BCAS4: variants seen among roughly 807,000 people sequenced by gnomAD.
The protein encoded by BCAS4 is breast carcinoma amplified sequence 4, also known as breast carcinoma-amplified sequence 4.
A neutral mutation model predicts 15.7 loss-of-function variants in BCAS4; 9 were observed. The ratio of observed to expected loss-of-function variants is 0.57; its 90% CI spans 0.34 to 1.00. The LOEUF (loss-of-function observed/expected upper bound fraction) is 1.00. Among genes scored for constraint, BCAS4 ranks in the 50% least tolerant of loss-of-function variants. The pLI is 0.02. For synonymous variants in BCAS4, 101 were observed against 99.5 expected, an observed-to-expected ratio of 1.02 and a Z score of -0.09; for missense variants, 225 against 239.1, an observed-to-expected ratio of 0.94 and a Z score of 0.39.
chr20:50,832,547 C>T (rs2088356995), intron 3 of BCAS4, among the ~76,000 whole-genome samples: 1 of 152,162 alleles, frequency 6.6e-6, no homozygotes, highest in Non-Finnish European at 1.5e-5. Context: ...CATGAGCCAC[C>T]ACACTCATCC....
At chr20:50,802,139 G>T (rs1569015748) in intron 1 of BCAS4, among the ~76,000 whole-genome samples, 1 of 152,146 alleles carries the variant, frequency 6.6e-6, no homozygotes, top group Non-Finnish European at 1.5e-5. Flanking sequence ...GTTTGAGGTT[G>T]CAGTGAGCTA....
At position 50,876,559 on chromosome 20, in the gene BCAS4, A is replaced by G; in HGVS notation, c.473A>G (p.Asp158Gly). 6.8e-6 allele frequency: 11 copies of G among 1,614,082 alleles called. No individual in the cohort carries two copies. Among genetic ancestry groups the G allele is most frequent in the Non-Finnish European group, 8.5e-6 (10 of 1,179,984 alleles). Residue 158 changes from aspartate (D) to glycine (G), a missense_variant, in exon 5 of 5, where the codon GAC (aspartate) becomes GGC (glycine). Physicochemically the swap from Asp to Gly is moderately conservative, Grantham distance 94. Coordinates refer to ENST00000371608, the MANE Select transcript of BCAS4 (RefSeq NM_198799.4). Reference protein sequence around the residue: ...LYRTEDYFPVDAGEAQHHPRT... With the variant: ...LYRTEDYFPVGAGEAQHHPRT... ...AGGACGGAGGACTATTTTCCTGTGGACGCCGGGGAAGCACAGCACCACCCC... is the reference window on the plus strand; with the variant it reads ...AGGACGGAGGACTATTTTCCTGTGGGCGCCGGGGAAGCACAGCACCACCCC...
downstream of BCAS4, chr20:50,881,060 C>T (rs557779743): frequency 1.3e-5 from 2 of 152,216 alleles, no homozygotes; most frequent in South Asian, 2.1e-4. Context: ...TAGCAAAACC[C>T]CTTCTCTGTA....
intron 4 of BCAS4, among the ~76,000 whole-genome samples, chr20:50,870,856 G>A (rs1263245741): frequency 6.6e-6 from 1 of 152,206 alleles, no homozygotes; most frequent in African/African-American, 2.4e-5. Context: ...CAGGCCCTGC[G>A]CCCCAGCACT....
At chr20:50,869,572 C>G (rs908092783) in intron 4 of BCAS4, among the ~76,000 whole-genome samples, 2 of 152,118 alleles carry the variant, frequency 1.3e-5, no homozygotes, top group African/African-American at 4.8e-5. Context: ...AGGACAGTCA[C>G]TGAGGTGGGC....
chr20:50,808,659 T>G (rs145066105), intron 1 of BCAS4, among the ~76,000 whole-genome samples: 1 of 152,358 alleles, frequency 6.6e-6, no homozygotes, highest in African/African-American at 2.4e-5. Context: ...ATATCTTGTT[T>G]TGAGAACTGT....
intron 1 of BCAS4, among the ~76,000 whole-genome samples, chr20:50,809,913 T>C (rs2088040229): frequency 6.6e-6 from 1 of 152,196 alleles, no homozygotes; most frequent in Admixed American, 6.6e-5. Context: ...TTGGTTGCAG[T>C]TGGTGTATAG....
intron 4 of BCAS4, among the ~76,000 whole-genome samples, chr20:50,861,722 G>A (rs936103677): frequency 6.6e-6 from 1 of 151,994 alleles, no homozygotes; most frequent in Non-Finnish European, 1.5e-5. Context: ...CCCCAGCCTG[G>A]CCGCTCATCC....
intron 4 of BCAS4, among the ~76,000 whole-genome samples, chr20:50,861,641 CAG>C (rs1358306242): frequency 4.6e-5 from 7 of 152,066 alleles, no homozygotes; most frequent in Admixed American, 1.3e-4. Context: ...TGCTTGGGCG[CAG>C]AGAGTCCTGG....
upstream of BCAS4, chr20:50,794,958 G>C: frequency 3.3e-6 from 4 of 1,202,010 alleles, no homozygotes; most frequent in Non-Finnish European, 4.1e-6. Context: ...CGCCGGGAGC[G>C]CACCTGCCCC....
chr20:50,811,100 C>T (rs544721230), intron 1 of BCAS4, among the ~76,000 whole-genome samples: 61 of 152,166 alleles, frequency 4.0e-4, no homozygotes, highest in African/African-American at 1.3e-3. Context: ...TGGGTGGGGA[C>T]GAGCAACAGG....
chr20:50,828,920 A>G (rs2088310602), intron 2 of BCAS4, among the ~76,000 whole-genome samples: 1 of 152,208 alleles, frequency 6.6e-6, no homozygotes, highest in Non-Finnish European at 1.5e-5. Flanking sequence ...ATTGTGCTAA[A>G]CAGCTCATCC....
rs1180353069 is a variant in BCAS4, at chr20:50,851,146, G to C, written c.399+9246G>C. Among the ~76,000 whole-genome samples, 1 of 151,988 alleles carries C rather than the reference G, an allele frequency of 6.6e-6. No homozygotes were observed. The highest frequency in any genetic ancestry group is 1.5e-5 in the Non-Finnish European group (1 of 68,016). Reference sequence around the variant, plus strand: ...CTCGGGGAGGGAGCCCGACAGCTCAGCTTTATCTGGTGGTGGAGGCTGGGT... The same window carrying C: ...CTCGGGGAGGGAGCCCGACAGCTCACCTTTATCTGGTGGTGGAGGCTGGGT... On this transcript the variant is annotated intron_variant, in intron 4 of 4. Transcript: ENST00000371608. The surrounding 1 kb of genome is among the most constrained non-coding windows in gnomAD (Gnocchi z 4.3).
At chr20:50,866,872 G>T (rs185862242) in intron 4 of BCAS4, among the ~76,000 whole-genome samples, 2 of 152,146 alleles carry the variant, frequency 1.3e-5, no homozygotes, top group Admixed American at 6.5e-5. Flanking sequence ...TGAGATGGAG[G>T]TTCCCTGCCT....
intron 1 of BCAS4, among the ~76,000 whole-genome samples, chr20:50,799,042 A>G (rs542509236): frequency 2.6e-5 from 4 of 152,164 alleles, no homozygotes; most frequent in Non-Finnish European, 5.9e-5. Flanking sequence ...ACTTTGGTCT[A>G]GTGTCCCAGG....
At chr20:50,808,140 C>G (rs2088017495) in intron 1 of BCAS4, among the ~76,000 whole-genome samples, 2 of 152,018 alleles carry the variant, frequency 1.3e-5, no homozygotes, top group African/African-American at 4.8e-5. Flanking sequence ...TCTCGATCTC[C>G]TGACCTCGTG....
downstream of BCAS4, chr20:50,880,517 G>T (rs1382367664): frequency 6.6e-6 from 1 of 152,202 alleles, no homozygotes; most frequent in Non-Finnish European, 1.5e-5. Context: ...ACGGGGTTTT[G>T]CTATGTTGTC....
chr20:50,795,248 C>T, intron 1 of BCAS4, 75 bp downstream of exon 1: 1 of 1,225,318 alleles, frequency 8.2e-7, no homozygotes, highest in Non-Finnish European at 1.0e-6. Flanking sequence ...CCTCGGCTTC[C>T]CCGGAGCATC....
chr20:50,812,233 C>T (rs932772566), intron 1 of BCAS4, among the ~76,000 whole-genome samples: 4 of 150,914 alleles, frequency 2.7e-5, no homozygotes, highest in South Asian at 2.1e-4. Flanking sequence ...CCTGGGTTCA[C>T]GCCATTCTCC....
Sources: allele counts gnomAD v4.1 joint callset (sites outside exome capture counted in the v4.1 genomes callset), GRCh38; gene constraint gnomAD v4.1.1; non-coding constraint Gnocchi (gnomAD v3.1); transcripts MANE v1.5; gene names NCBI Gene and HGNC (gene_info 2026-07-23, HGNC 2026-07-21).